The following CHAT variants were observed in gnomAD, a reference collection of about 807,000 sequenced individuals.
CHAT encodes choline O-acetyltransferase.
In CHAT, 61 loss-of-function variants were observed where a neutral mutation model predicts 76.9. The ratio of observed to expected loss-of-function variants is 0.79; its 90% CI spans 0.65 to 0.98. The LOEUF is 0.98. Ranked by LOEUF, CHAT falls within the 50% of genes least tolerant of loss-of-function variation. The pLI is 0.00. For synonymous variants in CHAT, 407 were observed against 397.4 expected (o/e 1.02, Z -0.29); for missense variants, 946 against 986.9 (o/e 0.96, Z 0.56).
At chr10:49,653,817 A>G (rs1046049163) in intron 11 of CHAT, among the ~76,000 whole-genome samples, 26 of 152,206 alleles carry the variant, frequency 1.7e-4, no homozygotes, top group African/African-American at 5.8e-4. Flanking sequence ...GGATGCCACT[A>G]AGACCAGCTG....
chr10:49,616,650 A>G (rs776731733), intron 2 of CHAT, 48 bp downstream of exon 2: 1 of 1,294,208 alleles, frequency 7.7e-7, no homozygotes, highest in South Asian at 1.3e-5. Context: ...CCCCACCTAC[A>G]TGCCCTTGCT....
rs1839666981 is a variant in CHAT at position 49,646,497 on chromosome 10, C to T, written c.1112-8C>T. The T allele has an allele frequency of 4.3e-6, 7 of 1,614,110 alleles. No individual in the cohort carries two copies. Among genetic ancestry groups the T allele is most frequent in the Non-Finnish European group, 5.9e-6 (7 of 1,180,016 alleles). On this transcript the variant is annotated splice_region_variant and splice_polypyrimidine_tract_variant and intron_variant, in intron 7 of 14. Transcript: ENST00000337653. ...CAGGTGCTAGGGCTGTGCCTGCCTCCCCTGCAGACTCCACCAACCGGGACT... is the reference window on the plus strand; with the variant it reads ...CAGGTGCTAGGGCTGTGCCTGCCTCTCCTGCAGACTCCACCAACCGGGACT...
intron 7 of CHAT, among the ~76,000 whole-genome samples, chr10:49,639,727 C>T (rs1839417851): frequency 6.6e-6 from 1 of 152,026 alleles, no homozygotes; most frequent in Admixed American, 6.6e-5. Context: ...TTGGGGTTAA[C>T]TTACCTTCCT....
intron 4 of CHAT, 35 bp from the exon 5 acceptor site, chr10:49,622,062 G>T: frequency 1.2e-6 from 1 of 860,472 alleles, no homozygotes; most frequent in Non-Finnish European, 1.5e-6. Flanking sequence ...GCCAGGCCCT[G>T]GGAGGAAGGG....
At chr10:49,655,589 G>A (rs368508852) in intron 13 of CHAT, 141 bp downstream of exon 13, 7 of 746,528 alleles carry the variant, frequency 9.4e-6, no homozygotes, top group East Asian at 7.7e-5. Context: ...TTCACCACTC[G>A]GTCTCTTGTT....
Position 49,651,883 on chromosome 10 carries a change from G to T in CHAT, c.1512-1G>T. 30 of 1,613,634 alleles carry T rather than the reference G, an allele frequency of 1.9e-5. No homozygotes were observed. The highest frequency in any genetic ancestry group is 2.5e-5 in the Non-Finnish European group (30 of 1,179,688). On this transcript the variant is annotated splice_acceptor_variant, in intron 10 of 14. Transcript: ENST00000337653. LOFTEE classifies it high-confidence loss of function. ...AAACATCTTTTCTTTTTCTTCCTCA[G>T]AATAGTAAAGAACCTTGACTTCATT...
rs1458275200 is a variant in CHAT at position 49,619,817 on chromosome 10, G to A, written c.480G>A (p.Arg160=). The A allele has an allele frequency of 6.2e-7, 1 of 1,614,078 alleles. No homozygotes were observed. Among genetic ancestry groups the A allele is most frequent in the East Asian group, 2.2e-5 (1 of 44,884 alleles). The change falls in exon 3 of 15, where the codon AGG becomes AGA. Residue 160 remains arginine (R), a synonymous_variant. Coordinates refer to ENST00000337653, the MANE Select transcript of CHAT (RefSeq NM_020549.5). ...MRHLVSEEQF[R]KSQAIVQQFG... ...ACTTGGTGTCTGAGGAGCAGTTCAG[G>A]AAGAGCCAGGCCATTGTGCAGCAGT...
At chr10:49,652,784 G>C (rs1165300818) in intron 11 of CHAT, among the ~76,000 whole-genome samples, 25 of 148,126 alleles carry the variant, frequency 1.7e-4, no homozygotes, top group African/African-American at 6.1e-4. Context: ...CACACCCCCA[G>C]CTCTCTCCTG....
chr10:49,647,366 C>G (rs189046049), intron 8 of CHAT, among the ~76,000 whole-genome samples: 14 of 152,278 alleles, frequency 9.2e-5, no homozygotes, highest in Admixed American at 2.6e-4. Flanking sequence ...CCCCAACATG[C>G]CAATCCTGAA....
At chr10:49,609,437 T>C (rs1838231489), upstream of CHAT, among the ~76,000 whole-genome samples, 1 of 130,668 alleles carries the variant, frequency 7.7e-6, no homozygotes, top group Non-Finnish European at 1.6e-5. Flanking sequence ...GAAGAGTGCC[T>C]GGGAGGAGTT....
At chr10:49,646,055 G>C (rs537719915) in intron 7 of CHAT, among the ~76,000 whole-genome samples, 3 of 152,254 alleles carry the variant, frequency 2.0e-5, no homozygotes, top group Non-Finnish European at 4.4e-5. Flanking sequence ...CAGTTTAGAT[G>C]TCTGAAAGTC....
chr10:49,615,976 G>A, intron 1 of CHAT: 1 of 1,522,152 alleles, frequency 6.6e-7, no homozygotes, highest in Non-Finnish European at 9.1e-7. Context: ...GGGCCTTAAA[G>A]GCCTCCATTC....
chr10:49,620,795 C>T (rs1044221300), intron 4 of CHAT, among the ~76,000 whole-genome samples, 182 bp downstream of exon 4: 3 of 152,184 alleles, frequency 2.0e-5, no homozygotes, highest in Non-Finnish European at 4.4e-5. Context: ...TGGCTGCACT[C>T]GAGTGACAAT....
intron 14 of CHAT, among the ~76,000 whole-genome samples, chr10:49,663,753 CT>C (rs1312773234): frequency 6.6e-6 from 1 of 152,210 alleles, no homozygotes; most frequent in Non-Finnish European, 1.5e-5. Context: ...CAGAAGCCCA[CT>C]CAGTAATGGG....
At chr10:49,647,909 A>G (rs948659387) in intron 8 of CHAT, 8 of 169,872 alleles carry the variant, frequency 4.7e-5, no homozygotes, top group African/African-American at 1.7e-4. Flanking sequence ...GGTTCTTTTC[A>G]TCAGCAGGGC....
chr10:49,610,597 T>G, upstream of CHAT: 1 of 734,602 alleles, frequency 1.4e-6, no homozygotes, highest in Non-Finnish European at 2.0e-6. Flanking sequence ...CGCTGGGCCA[T>G]GAGCTCCGCG....
upstream of CHAT, chr10:49,611,059 G>C (rs1475511717): frequency 1.9e-6 from 3 of 1,614,058 alleles, no homozygotes; most frequent in African/African-American, 2.7e-5. Flanking sequence ...TGCGTGGCCA[G>C]CGGGCTCAGC....
In CHAT at chr10:49,625,707, C is replaced by A. The variant is rs111865833; in HGVS notation, c.933+54C>A. 1.9e-4 allele frequency: 293 copies of A among 1,505,294 alleles called. No individual in the cohort carries two copies. The African/African-American group carries it at 3.3e-3, about 17-fold the overall frequency. The allele number at this position is 1,505,294 out of a possible 1,614,324, so 93.2% of individuals were successfully genotyped here. The stretch of plus-strand genomic sequence containing the variant: ...GGGCACAGAGCATACAGTGGCCATG[C>A]GTTCACGTCCATTACCTTCTCCGAG... On this transcript the variant is annotated intron_variant, in intron 6 of 14. Coordinates refer to ENST00000337653, the MANE Select transcript of CHAT (RefSeq NM_020549.5).
At chr10:49,618,996 C>A (rs1838600088) in intron 2 of CHAT, among the ~76,000 whole-genome samples, 1 of 152,120 alleles carries the variant, frequency 6.6e-6, no homozygotes, top group South Asian at 2.1e-4. Flanking sequence ...CATCCCCACC[C>A]CTGCCCCTAA....
Sources: allele counts gnomAD v4.1 joint callset (sites outside exome capture counted in the v4.1 genomes callset), GRCh38; gene constraint gnomAD v4.1.1; transcripts MANE v1.5; gene names NCBI Gene and HGNC (gene_info 2026-07-23, HGNC 2026-07-21).